CATSPER2: variants seen among roughly 807,000 people sequenced by gnomAD.
The protein encoded by CATSPER2 is cation channel sperm-associated protein 2.
In CATSPER2, 56 loss-of-function variants were observed where a neutral mutation model predicts 68.8. The observed-to-expected ratio is 0.81, with a 90% CI of 0.66 to 1.02. The LOEUF is 1.02. Among genes scored for constraint, CATSPER2 ranks in the 50% least tolerant of loss-of-function variants. The probability of loss-of-function intolerance (pLI) is 0.00; values close to 1 mark genes in which losing one functional copy is unlikely to be tolerated. For synonymous variants in CATSPER2, 198 were observed against 229.9 expected (o/e 0.86, Z 1.26); for missense variants, 582 against 642.0 (o/e 0.91, Z 1.01).
In CATSPER2 at chr15:43,647,423, G is replaced by A. The variant is rs772571306; in HGVS notation, c.190C>T (p.Leu64=). 1.2e-6 allele frequency: 2 copies of A among 1,613,608 alleles called. No individual in the cohort carries two copies. Among genetic ancestry groups the A allele is most frequent in the Non-Finnish European group, 1.7e-6 (2 of 1,179,686 alleles). ...TGAGGCTTTATAGAGAAACGCACTA[G>A]CTGGTGTTGATCTCCCAATACAAGT... The part of the protein sequence containing the change: ...KKLVLGDQHQ[L]VRFSIKPQRI... The change falls in exon 3 of 13, where the codon CTA becomes TTA. Residue 64 remains leucine, a synonymous_variant. Coordinates refer to ENST00000396879, the MANE Select transcript of CATSPER2 (RefSeq NM_172095.4).
chr15:43,648,572 C>A lies in CATSPER2; in HGVS notation c.-3+57G>T. 13 of 1,359,682 alleles carry A rather than the reference C, an allele frequency of 9.6e-6. No homozygotes were observed. The South Asian group carries it at 2.2e-4, about 23-fold the overall frequency. The allele number at this position is 1,359,682 out of a possible 1,614,324, so 84.2% of individuals were successfully genotyped here. The stretch of plus-strand genomic sequence containing the variant: ...GGTCCCGTCCCAAGTGTGTCCACTC[C>A]AACACTCCTTCGGGGGCTAGCTCCT... On this transcript the variant is annotated intron_variant, in intron 1 of 12. Coordinates refer to ENST00000396879, the MANE Select transcript of CATSPER2 (RefSeq NM_172095.4).
At chr15:43,632,681 A>G in intron 11 of CATSPER2, 36 bp downstream of exon 11, 1 of 1,612,286 alleles carries the variant, frequency 6.2e-7, no homozygotes, top group South Asian at 1.1e-5. Context: ...CTGAATTCAA[A>G]TGGAAAAAAC....
At chr15:43,635,204 G>A (rs1238501746) in intron 10 of CATSPER2, 156 bp downstream of exon 10, 2 of 762,318 alleles carry the variant, frequency 2.6e-6, no homozygotes, top group Non-Finnish European at 4.7e-6. Context: ...AGGGAGCAAA[G>A]ACATGGACAT....
At position 43,632,505 on chromosome 15, in the gene CATSPER2, AC is replaced by A. The variant is rs2085892539; in HGVS notation, c.1397-143del. 10 of 1,400,572 alleles carry A rather than the reference AC, an allele frequency of 7.1e-6. No individual in the cohort carries two copies. The South Asian group carries it at 9.6e-5, about 13-fold the overall frequency. The allele number at this position is 1,400,572 out of a possible 1,614,324, so 86.8% of individuals were successfully genotyped here. A position where few individuals can be genotyped will look rare whatever the true frequency, so the allele number is the denominator to read the frequency against. ...GAGGGAAAGGGTGCATCAGTAAGAA[AC>A]CACTTTTTACAACGAGCAAAGAGGG... On this transcript the variant is annotated intron_variant, in intron 11 of 12. Coordinates refer to ENST00000396879, the MANE Select transcript of CATSPER2 (RefSeq NM_172095.4).
rs780432373 is a variant in CATSPER2, at chr15:43,643,217, G to A, written c.389-2721C>T. Among the ~76,000 whole-genome samples, 40 of 152,060 alleles carry A rather than the reference G, an allele frequency of 2.6e-4. 2 individuals carry two copies. The highest frequency in any genetic ancestry group is 5.3e-4 in the Non-Finnish European group (36 of 67,978). On this transcript the variant is annotated intron_variant, in intron 4 of 12. Coordinates refer to ENST00000396879, the MANE Select transcript of CATSPER2 (RefSeq NM_172095.4). ...TGGTTTCAAGGAGTCCAATATTATAGGTGAGGAGAATAGTACACTGCAACA... is the reference window on the plus strand; with the variant it reads ...TGGTTTCAAGGAGTCCAATATTATAAGTGAGGAGAATAGTACACTGCAACA...
intron 10 of CATSPER2, chr15:43,633,528 G>C (rs1470328975): frequency 6.3e-6 from 1 of 159,620 alleles, no homozygotes; most frequent in Non-Finnish European, 1.4e-5. Context: ...GCTTTGCACC[G>C]TTTCATCTGC....
At chr15:43,639,284 G>A (rs2086027249) in intron 6 of CATSPER2, 10 of 476,034 alleles carry the variant, frequency 2.1e-5, no homozygotes, top group Admixed American at 6.8e-5. Context: ...TCACTCTGTC[G>A]CCTAGGCTAG....
chr15:43,638,543 TC>T (rs1483830691), intron 7 of CATSPER2, among the ~76,000 whole-genome samples: 1 of 151,732 alleles, frequency 6.6e-6, no homozygotes, highest in Non-Finnish European at 1.5e-5. Context: ...CGCCTTGGCC[TC>T]CCAAAGTGCT....
At chr15:43,631,181 G>GA (rs1422878521) in intron 12 of CATSPER2, among the ~76,000 whole-genome samples, 2 of 151,886 alleles carry the variant, frequency 1.3e-5, no homozygotes, top group African/African-American at 4.8e-5. Flanking sequence ...GGTATGAGGG[G>GA]AAAAACCCAG....
At chr15:43,648,280 C>A (rs563031551) in intron 1 of CATSPER2, among the ~76,000 whole-genome samples, 1 of 151,910 alleles carries the variant, frequency 6.6e-6, no homozygotes, top group South Asian at 2.1e-4. Flanking sequence ...ATTGCACAGT[C>A]GACCAAGCGG....
Position 43,648,199 on chromosome 15 carries a change from C to T in CATSPER2, c.-2-136G>A. 2 of 1,054,000 alleles carry T rather than the reference C, an allele frequency of 1.9e-6. 1 individual carries two copies. Among genetic ancestry groups the T allele is most frequent in the Admixed American group, 3.5e-5 (2 of 56,812 alleles). 65.3% of individuals were successfully genotyped at this position (1,054,000 alleles called of 1,614,324 possible). A position where few individuals can be genotyped will look rare whatever the true frequency, so the allele number is the denominator to read the frequency against. On this transcript the variant is annotated intron_variant, in intron 1 of 12. Transcript: ENST00000396879. The stretch of plus-strand genomic sequence containing the variant: ...TGTACCCACATCTACGAACTAGGAG[C>T]AGTTGGGAAGAACAAACATTCTACT...
intron 2 of CATSPER2, 76 bp downstream of exon 2, chr15:43,647,841 G>A: frequency 6.5e-7 from 1 of 1,536,722 alleles, no homozygotes; most frequent in South Asian, 1.1e-5. Flanking sequence ...AACCTCCCCA[G>A]AATTTTCCAC....
chr15:43,647,006 C>A (rs769821137), intron 4 of CATSPER2, 44 bp downstream of exon 4: 1 of 1,522,202 alleles, frequency 6.6e-7, no homozygotes, highest in Non-Finnish European at 9.1e-7. Context: ...TGTGAGCCGG[C>A]GTGCCCGGCC....
chr15:43,631,208 C>A (rs2085864399), intron 12 of CATSPER2, among the ~76,000 whole-genome samples: 1 of 151,956 alleles, frequency 6.6e-6, no homozygotes, highest in Admixed American at 6.6e-5. Context: ...CATATTAAAT[C>A]ATTAAAATCC....
rs1356007367 is a variant in CATSPER2 at position 43,647,342 on chromosome 15, A to G, written c.271T>C (p.Cys91Arg). 1 of 1,612,708 alleles carries G rather than the reference A, an allele frequency of 6.2e-7. No individual in the cohort carries two copies. The highest frequency in any genetic ancestry group is 2.2e-5 in the East Asian group (1 of 44,864). Residue 91 changes from cysteine to arginine, a missense_variant, in exon 3 of 13, where the codon TGC becomes CGC. This residue lies in a region of CATSPER2 where 197 missense variants were observed against 191.0 expected (regional missense o/e 1.03). Transcript: ENST00000396879. ...QRLLSRLHVR[C>R]SQRPPLSLWA... Reference sequence around the variant, plus strand: ...AAAGAAAGAGGTGGCCTCTGACTGCAGCGCACATGAAGCCTGCTCAACAGC... The same window carrying G: ...AAAGAAAGAGGTGGCCTCTGACTGCGGCGCACATGAAGCCTGCTCAACAGC...
Position 43,637,045 on chromosome 15 carries a change from A to T in CATSPER2, c.843-826T>A, listed in dbSNP as rs1279826787. Among the ~76,000 whole-genome samples, 9 of 151,226 alleles carry T rather than the reference A, an allele frequency of 6.0e-5. No homozygotes were observed. The East Asian group carries it at 1.8e-3, about 30-fold the overall frequency. ...ACCATGTTGGCCAGGCTGGTCTTGAACCCCTAACCTCAAGTGATCTGCCTG... is the reference window on the plus strand; with the variant it reads ...ACCATGTTGGCCAGGCTGGTCTTGATCCCCTAACCTCAAGTGATCTGCCTG... On this transcript the variant is annotated intron_variant, in intron 7 of 12. Transcript: ENST00000396879.
At chr15:43,648,274 C>T (rs868744378) in intron 1 of CATSPER2, among the ~76,000 whole-genome samples, 3 of 151,926 alleles carry the variant, frequency 2.0e-5, no homozygotes, top group South Asian at 4.1e-4. Flanking sequence ...AAAGACATTG[C>T]ACAGTCGACC....
chr15:43,644,587 C>T (rs1318233127), intron 4 of CATSPER2, among the ~76,000 whole-genome samples: 1 of 151,898 alleles, frequency 6.6e-6, no homozygotes, highest in Non-Finnish European at 1.5e-5. Context: ...GGTGAGTGAG[C>T]ATTACCGCCT....
At chr15:43,646,329 C>T (rs1444772819) in intron 4 of CATSPER2, among the ~76,000 whole-genome samples, 1 of 150,518 alleles carries the variant, frequency 6.6e-6, no homozygotes, top group Non-Finnish European at 1.5e-5. Context: ...GGCGTGATTT[C>T]AGCTCACTGC....
Sources: allele counts gnomAD v4.1 joint callset (sites outside exome capture counted in the v4.1 genomes callset), GRCh38; gene constraint gnomAD v4.1.1; regional missense constraint gnomAD v4.1.1; transcripts MANE v1.5; gene names NCBI Gene and HGNC (gene_info 2026-07-23, HGNC 2026-07-21).